The following LIX1 variants were observed in gnomAD, a reference collection of about 807,000 sequenced individuals.
LIX1 encodes protein limb expression 1 homolog.
Under a neutral mutation model 33.4 loss-of-function variants are expected in LIX1, and 24 were observed. That is an observed-to-expected ratio of 0.72 (90% CI 0.52 to 1.01). The LOEUF (loss-of-function observed/expected upper bound fraction) is 1.01. LIX1 is among the 50% of genes least tolerant of loss of function. LIX1 has a pLI of 0.00. For synonymous variants in LIX1, 124 were observed against 124.0 expected, an observed-to-expected ratio of 1.00 and a Z score of 0.00; for missense variants, 311 against 339.2, an observed-to-expected ratio of 0.92 and a Z score of 0.65.
chr5:97,130,650 A>G (rs1240508249), intron 1 of LIX1, among the ~76,000 whole-genome samples: 2 of 152,242 alleles, frequency 1.3e-5, no homozygotes. Flanking sequence ...AAGTTACAAT[A>G]AAGAAGCAGA....
chr5:97,136,892 A>G lies in LIX1; in HGVS notation c.82+5603T>C, dbSNP rs554978528. ...CTTTTAAAATAGAAATGTTTTAACT[A>G]CCTTGACAGACTAAACTTACATGGG... On this transcript the variant is annotated intron_variant, in intron 1 of 5. Coordinates refer to ENST00000274382, the MANE Select transcript of LIX1 (RefSeq NM_153234.5). Among the ~76,000 whole-genome samples the G allele has an allele frequency of 2.8e-4, 43 of 152,282 alleles. No homozygotes were observed. The South Asian group carries it at 4.6e-3, about 16-fold the overall frequency.
At chr5:97,126,531 G>T (rs539701903) in intron 1 of LIX1, among the ~76,000 whole-genome samples, 7 of 152,044 alleles carry the variant, frequency 4.6e-5, no homozygotes, top group African/African-American at 1.7e-4. Flanking sequence ...GTAGTGAGGG[G>T]ATACTTGAGT....
intron 4 of LIX1, among the ~76,000 whole-genome samples, chr5:97,100,922 A>AT (rs1036571397): frequency 1.5e-4 from 22 of 150,282 alleles, no homozygotes; most frequent in African/African-American, 3.2e-4. Flanking sequence ...ATATATATAA[A>AT]TTTTTTTTTA....
chr5:97,094,027 A>C lies in LIX1; in HGVS notation c.*721T>G, dbSNP rs1398170175. 1 of 152,368 alleles carries C rather than the reference A, an allele frequency of 6.6e-6. No individual in the cohort carries two copies. The highest frequency in any genetic ancestry group is 2.4e-5 in the African/African-American group (1 of 41,444). 9.4% of individuals were successfully genotyped at this position (152,368 alleles called of 1,614,324 possible). Reference sequence around the variant, plus strand: ...AAAATTGATTGCAAGACTCATAAACATTGGATATTAATTCTTGAGGAATAA... The same window carrying C: ...AAAATTGATTGCAAGACTCATAAACCTTGGATATTAATTCTTGAGGAATAA... On this transcript the variant is annotated 3_prime_UTR_variant, in exon 6 of 6. Transcript: ENST00000274382.
rs572740475 is a variant in LIX1 at position 97,109,157 on chromosome 5, C to T, written c.247-1657G>A. Among the ~76,000 whole-genome samples the T allele has an allele frequency of 2.0e-5, 3 of 152,262 alleles. No individual in the cohort carries two copies. The South Asian group carries it at 6.2e-4, about 32-fold the overall frequency. Reference sequence around the variant, plus strand: ...CCTCTGTGATTTTCCCTCAAACCTTCTAGAACAGTAGTGCCTATATATTGT... The same window carrying T: ...CCTCTGTGATTTTCCCTCAAACCTTTTAGAACAGTAGTGCCTATATATTGT... On this transcript the variant is annotated intron_variant, in intron 2 of 5. Transcript: ENST00000274382.
At chr5:97,105,575 A>G (rs1431973845) in intron 3 of LIX1, among the ~76,000 whole-genome samples, 2 of 152,226 alleles carry the variant, frequency 1.3e-5, no homozygotes, top group Non-Finnish European at 2.9e-5. Flanking sequence ...TGCATGGCTG[A>G]GCTCCGAAAC....
chr5:97,112,682 G>A (rs1204819592), intron 2 of LIX1, among the ~76,000 whole-genome samples: 3 of 151,960 alleles, frequency 2.0e-5, no homozygotes, highest in Non-Finnish European at 4.4e-5. Context: ...CTTTCCGAGT[G>A]GCCAGCAGAC....
chr5:97,123,914 C>A (rs1679164841), intron 2 of LIX1, among the ~76,000 whole-genome samples: 1 of 152,148 alleles, frequency 6.6e-6, no homozygotes, highest in South Asian at 2.1e-4. Flanking sequence ...CCTTCTTTGA[C>A]TTCCCAGAGG....
At chr5:97,127,579 A>G (rs905275664) in intron 1 of LIX1, among the ~76,000 whole-genome samples, 8 of 152,206 alleles carry the variant, frequency 5.3e-5, no homozygotes, top group African/African-American at 1.9e-4. Context: ...TGGAATTCCA[A>G]AGATGGGTAT....
intron 2 of LIX1, 84 bp downstream of exon 2, chr5:97,124,382 T>A: frequency 8.3e-7 from 1 of 1,205,018 alleles, no homozygotes; most frequent in African/African-American, 1.5e-5. Flanking sequence ...TCCAAGAAAA[T>A]TTGTAATGTT....
At chr5:97,122,864 T>G (rs1340638621) in intron 2 of LIX1, among the ~76,000 whole-genome samples, 1 of 152,212 alleles carries the variant, frequency 6.6e-6, no homozygotes, top group Non-Finnish European at 1.5e-5. Flanking sequence ...CCTATTTTAC[T>G]CTAACAACTG....
intron 3 of LIX1, 52 bp from the exon 4 acceptor site, chr5:97,105,337 TTGAA>T: frequency 6.9e-7 from 1 of 1,456,458 alleles, no homozygotes. Context: ...CTCCTCTTCT[TTGAA>T]TGGTCACAAA....
intron 2 of LIX1, among the ~76,000 whole-genome samples, chr5:97,108,863 T>C (rs1747212875): frequency 6.6e-6 from 1 of 152,172 alleles, no homozygotes; most frequent in Non-Finnish European, 1.5e-5. Flanking sequence ...TTCTTGGTGA[T>C]TGATGGGAAA....
chr5:97,127,557 C>T (rs1747959715), intron 1 of LIX1, among the ~76,000 whole-genome samples: 1 of 152,060 alleles, frequency 6.6e-6, no homozygotes, highest in Non-Finnish European at 1.5e-5. Context: ...GGAAGAAGGC[C>T]AGCTTGCCGT....
intron 1 of LIX1, among the ~76,000 whole-genome samples, chr5:97,139,089 A>G (rs1748230093): frequency 6.6e-6 from 1 of 152,194 alleles, no homozygotes; most frequent in Non-Finnish European, 1.5e-5. Context: ...GTTTCAAGGT[A>G]AGGAGTTGGA....
intron 2 of LIX1, 26 bp downstream of exon 2, chr5:97,124,440 C>T: frequency 6.4e-7 from 1 of 1,563,060 alleles, no homozygotes; most frequent in Non-Finnish European, 8.7e-7. Flanking sequence ...TGAACTTTCA[C>T]TGACAAATTA....
chr5:97,122,865 CT>C (rs1335803228), intron 2 of LIX1, among the ~76,000 whole-genome samples: 1 of 152,216 alleles, frequency 6.6e-6, no homozygotes, highest in Non-Finnish European at 1.5e-5. Flanking sequence ...CTATTTTACT[CT>C]AACAACTGTA....
chr5:97,113,698 C>T (rs981265280), intron 2 of LIX1, among the ~76,000 whole-genome samples: 1 of 152,176 alleles, frequency 6.6e-6, no homozygotes, highest in Non-Finnish European at 1.5e-5. Flanking sequence ...CTATTTTGCT[C>T]TTCACAGAAA....
At chr5:97,114,991 A>G (rs1747599177) in intron 2 of LIX1, among the ~76,000 whole-genome samples, 1 of 152,200 alleles carries the variant, frequency 6.6e-6, no homozygotes, top group Non-Finnish European at 1.5e-5. Context: ...AGGTTTAAAA[A>G]AAGTCCTTTA....
Sources: gnomAD v4.1 joint callset for allele counts (sites outside exome capture counted in the v4.1 genomes callset) on GRCh38, gnomAD v4.1.1 for gene constraint, MANE v1.5 for transcripts, NCBI Gene and HGNC (gene_info 2026-07-23, HGNC 2026-07-21) for gene names.